The following CNTNAP2 variants were observed in gnomAD, a reference collection of about 807,000 sequenced individuals.
CNTNAP2 encodes the protein contactin-associated protein-like 2.
In CNTNAP2, 98 loss-of-function variants were observed where a neutral mutation model predicts 155.2. The observed-to-expected ratio is 0.63, with a 90% CI of 0.54 to 0.75. CNTNAP2 has a LOEUF of 0.75. Among genes scored for constraint, CNTNAP2 ranks in the 30% least tolerant of loss-of-function variants. CNTNAP2 has a pLI of 0.00. For missense variants in CNTNAP2, 1,727 were observed against 1,688.1 expected, an observed-to-expected ratio of 1.02 and a Z score of -0.40; for synonymous variants, 651 against 631.2, an observed-to-expected ratio of 1.03 and a Z score of -0.47.
chr7:147,630,808 A>C (rs1451520878), intron 12 of CNTNAP2, among the ~76,000 whole-genome samples: 1 of 152,140 alleles, frequency 6.6e-6, no homozygotes, highest in Non-Finnish European at 1.5e-5. Context: ...AAATTGGCAT[A>C]GAAGGGATGT....
At chr7:146,760,158 C>T (rs1166016264) in intron 1 of CNTNAP2, among the ~76,000 whole-genome samples, 1 of 152,012 alleles carries the variant, frequency 6.6e-6, no homozygotes, top group Admixed American at 6.6e-5. Context: ...ATGAGCCAAA[C>T]CTCCTATTTT....
rs895706762 is a variant in CNTNAP2 at position 146,388,092 on chromosome 7, A to AT, written c.97+271129dup. Among the ~76,000 whole-genome samples the AT allele has an allele frequency of 7.2e-4, 94 of 129,898 alleles. 1 individual carries two copies. Among genetic ancestry groups the AT allele is most frequent in the East Asian group, 2.0e-3 (9 of 4,470 alleles). The allele number at this position is 129,898 out of a possible 152,430, so 85.2% of individuals were successfully genotyped here. ...TCTTGATATGTTTTAGTTTCTTTTT[A>AT]TTTTTTTTTTAATTTTTAACATTTA... is the stretch of plus-strand genomic sequence containing the variant. On this transcript the variant is annotated intron_variant, in intron 1 of 23. Coordinates refer to ENST00000361727, the MANE Select transcript of CNTNAP2 (RefSeq NM_014141.6).
intron 8 of CNTNAP2, among the ~76,000 whole-genome samples, chr7:147,216,552 CTAAACTTATTTACAG>C (rs1160706767): frequency 9.0e-5 from 3 of 33,426 alleles, no homozygotes; most frequent in Non-Finnish European, 2.3e-4. Flanking sequence ...ACACTAAACA[CTAAACTTATTTACAG>C]TCTTATTTAC....
At chr7:146,345,124 C>G (rs915545697) in intron 1 of CNTNAP2, among the ~76,000 whole-genome samples, 3 of 152,024 alleles carry the variant, frequency 2.0e-5, no homozygotes, top group African/African-American at 7.2e-5. Context: ...TTCTAAGTGG[C>G]TTGGTGGTTG....
intron 13 of CNTNAP2, among the ~76,000 whole-genome samples, chr7:147,853,893 T>C (rs75952833): frequency 0.011 from 1,677 of 152,362 alleles, 92 homozygotes; most frequent in Admixed American, 0.09. Flanking sequence ...TTGCAAAGTT[T>C]GACTTAGTGT....
chr7:147,870,939 C>T (rs1563118696), intron 13 of CNTNAP2, among the ~76,000 whole-genome samples: 1 of 152,002 alleles, frequency 6.6e-6, no homozygotes, highest in South Asian at 2.1e-4. Flanking sequence ...AGCATCTCCC[C>T]CTACCCTCAA....
intron 12 of CNTNAP2, among the ~76,000 whole-genome samples, chr7:147,599,593 C>T (rs1467608268): frequency 6.6e-6 from 1 of 151,972 alleles, no homozygotes; most frequent in Non-Finnish European, 1.5e-5. Context: ...GTCCACAGGG[C>T]CATGCTCTTT....
chr7:147,367,778 G>GT (rs1230746651), intron 9 of CNTNAP2, among the ~76,000 whole-genome samples: 1 of 152,066 alleles, frequency 6.6e-6, no homozygotes, highest in Non-Finnish European at 1.5e-5. Flanking sequence ...ACAATAGAGG[G>GT]TTTTTGTAAA....
intron 1 of CNTNAP2, among the ~76,000 whole-genome samples, chr7:146,273,086 A>AGAGAGAGAGAG (rs1563016942): frequency 4.3e-5 from 6 of 138,006 alleles, no homozygotes; most frequent in African/African-American, 1.5e-4. Context: ...GAGAAAGAGA[A>AGAGAGAGAGAG]AGAGAGAGAG....
At chr7:147,602,319 A>G (rs1282226427) in intron 12 of CNTNAP2, among the ~76,000 whole-genome samples, 1 of 151,650 alleles carries the variant, frequency 6.6e-6, no homozygotes, top group East Asian at 1.9e-4. Flanking sequence ...CAATCAATGA[A>G]ACCTAATGTT....
chr7:148,165,012 G>A (rs534968925), intron 17 of CNTNAP2, among the ~76,000 whole-genome samples: 1 of 152,214 alleles, frequency 6.6e-6, no homozygotes, highest in East Asian at 1.9e-4. Context: ...ACTTTCTCAG[G>A]GAGGTCTAGA....
intron 1 of CNTNAP2, among the ~76,000 whole-genome samples, chr7:146,490,334 A>T (rs1797119953): frequency 6.6e-6 from 1 of 152,240 alleles, no homozygotes; most frequent in South Asian, 2.1e-4. Context: ...ATTCCAAAGG[A>T]AGAAAAAGGC....
chr7:146,487,537 G>A (rs909201572), intron 1 of CNTNAP2, among the ~76,000 whole-genome samples: 4 of 152,194 alleles, frequency 2.6e-5, no homozygotes, highest in African/African-American at 9.7e-5. Flanking sequence ...GTTTAGGTAA[G>A]TTACATTTGA....
chr7:146,240,913 T>TC (rs1442370476), intron 1 of CNTNAP2, among the ~76,000 whole-genome samples: 9 of 152,190 alleles, frequency 5.9e-5, no homozygotes, highest in Non-Finnish European at 8.8e-5. Flanking sequence ...GGTGCTGGCA[T>TC]CTGCTCAGCT....
chr7:147,300,436 A>G (rs1206916700), intron 9 of CNTNAP2, 146 bp downstream of exon 9: 2 of 911,250 alleles, frequency 2.2e-6, no homozygotes, highest in Non-Finnish European at 3.3e-6. Flanking sequence ...TGAGCAAAAC[A>G]AAAAAAGAAA....
chr7:147,288,134 C>T (rs923367780), intron 8 of CNTNAP2, among the ~76,000 whole-genome samples: 6 of 152,150 alleles, frequency 3.9e-5, no homozygotes, highest in African/African-American at 1.4e-4. Flanking sequence ...TCTTGTTGTC[C>T]TTCAGGCTTC....
At chr7:146,119,348 A>G (rs998650712) in intron 1 of CNTNAP2, among the ~76,000 whole-genome samples, 1 of 152,148 alleles carries the variant, frequency 6.6e-6, no homozygotes, top group Admixed American at 6.5e-5. Flanking sequence ...GTATTTGCTT[A>G]TGACTTATTT....
chr7:146,246,633 G>A (rs546401757), intron 1 of CNTNAP2, among the ~76,000 whole-genome samples: 8 of 151,532 alleles, frequency 5.3e-5, no homozygotes, highest in Non-Finnish European at 1.0e-4. Flanking sequence ...GAGGCGATCC[G>A]ACAGCATCAG....
chr7:147,489,935 C>T (rs1830342), intron 11 of CNTNAP2, among the ~76,000 whole-genome samples: 43,515 of 152,020 alleles, frequency 0.29, 6,383 homozygotes, highest in East Asian at 0.43. Context: ...ATATATACTA[C>T]TAGTTCCTTG....
Sources: gnomAD v4.1 joint callset for allele counts (sites outside exome capture counted in the v4.1 genomes callset) on GRCh38, gnomAD v4.1.1 for gene constraint, MANE v1.5 for transcripts, NCBI Gene and HGNC (gene_info 2026-07-23, HGNC 2026-07-21) for gene names.